The following AFF3 variants were observed in gnomAD, a reference collection of about 807,000 sequenced individuals.
AFF3 encodes the protein AF4/FMR2 family member 3.
A neutral mutation model predicts 129.7 loss-of-function variants in AFF3; 32 were observed. The observed-to-expected ratio is 0.25, with a 90% confidence interval of 0.19 to 0.33. The LOEUF (loss-of-function observed/expected upper bound fraction) is 0.33, where lower values mean the gene tolerates loss of function less well. Among genes scored for constraint, AFF3 ranks in the 10% least tolerant of loss-of-function variants. The pLI is 1.00. For synonymous variants in AFF3, 644 were observed against 635.4 expected (o/e 1.01, Z -0.20); for missense variants, 1,373 against 1,592.0 (o/e 0.86, Z 2.34).
chr2:99,815,921 T>G (rs1276682685), intron 8 of AFF3, among the ~76,000 whole-genome samples: 2 of 152,008 alleles, frequency 1.3e-5, no homozygotes, highest in Non-Finnish European at 2.9e-5. Flanking sequence ...CTGTCACTAA[T>G]TTTGGAAAAT....
At chr2:99,692,462 A>G (rs1346543656) in intron 11 of AFF3, among the ~76,000 whole-genome samples, 2 of 152,162 alleles carry the variant, frequency 1.3e-5, no homozygotes, top group Non-Finnish European at 2.9e-5. Flanking sequence ...TATGCTTCAG[A>G]CAGGTGAGTG....
chr2:99,864,453 C>T (rs1691228279), intron 7 of AFF3, among the ~76,000 whole-genome samples: 1 of 152,254 alleles, frequency 6.6e-6, no homozygotes, highest in Non-Finnish European at 1.5e-5. Flanking sequence ...CTATTTTATA[C>T]AATCATTTTT....
At chr2:99,882,776 T>C (rs1374518476) in intron 7 of AFF3, among the ~76,000 whole-genome samples, 1 of 152,236 alleles carries the variant, frequency 6.6e-6, no homozygotes, top group Non-Finnish European at 1.5e-5. Flanking sequence ...GTCATGACAG[T>C]TGCCCACATA....
chr2:99,697,461 A>G (rs966044036), intron 11 of AFF3, among the ~76,000 whole-genome samples: 4 of 152,224 alleles, frequency 2.6e-5, no homozygotes, highest in African/African-American at 9.6e-5. Context: ...CAGAGAAAAA[A>G]ATGCAAGTTT....
chr2:99,888,542 T>G (rs1257413622), intron 7 of AFF3, among the ~76,000 whole-genome samples: 1 of 152,226 alleles, frequency 6.6e-6, no homozygotes, highest in African/African-American at 2.4e-5. Flanking sequence ...ATCAATTTCT[T>G]TTTAAAAATT....
At chr2:100,139,995 A>G (rs1692796308) in intron 1 of AFF3, among the ~76,000 whole-genome samples, 1 of 152,246 alleles carries the variant, frequency 6.6e-6, no homozygotes, top group Non-Finnish European at 1.5e-5. Flanking sequence ...GAACAAGTTA[A>G]ATCATACCTA....
chr2:100,085,323 T>C (rs1179845998), intron 4 of AFF3, among the ~76,000 whole-genome samples: 11 of 148,760 alleles, frequency 7.4e-5, no homozygotes, highest in African/African-American at 2.7e-4. Flanking sequence ...AACATCTTCC[T>C]CATCACCTCG....
chr2:99,798,505 A>G (rs983827334), intron 8 of AFF3, among the ~76,000 whole-genome samples: 3 of 151,950 alleles, frequency 2.0e-5, no homozygotes, highest in African/African-American at 7.2e-5. Flanking sequence ...CCCAGTTAAA[A>G]GACAGAAATG....
intron 4 of AFF3, among the ~76,000 whole-genome samples, chr2:100,048,540 G>A (rs1686025812): frequency 1.3e-5 from 2 of 152,166 alleles, no homozygotes; most frequent in Admixed American, 6.5e-5. Context: ...ACCCATTTAT[G>A]AAGAGCAATT....
intron 8 of AFF3, among the ~76,000 whole-genome samples, chr2:99,779,396 C>T (rs1349276960): frequency 2.0e-5 from 3 of 152,116 alleles, no homozygotes; most frequent in East Asian, 3.8e-4. Flanking sequence ...ATTCTTAAAA[C>T]AACAGCAAGA....
At position 100,085,891 on chromosome 2, in the gene AFF3, A is replaced by C. The variant is rs569469749; in HGVS notation, c.53+18511T>G. On this transcript the variant is annotated intron_variant, in intron 4 of 24. Coordinates refer to ENST00000672756, the MANE Select transcript of AFF3 (RefSeq NM_001386135.1). ...TGTTATGCATAGAAGGAGCTCAATA[A>C]ACTTGTGACTCGTGGGTTTCTATGA... Among the ~76,000 whole-genome samples, 560 of 151,924 alleles carry C rather than the reference A, an allele frequency of 3.7e-3. 5 individuals carry two copies. Among genetic ancestry groups the C allele is most frequent in the African/African-American group, 0.013 (527 of 41,442 alleles).
rs1352998833 is a variant in AFF3 at position 100,024,180 on chromosome 2, C to T, written c.54-15248G>A. Among the ~76,000 whole-genome samples, 7 of 133,940 alleles carry T rather than the reference C, an allele frequency of 5.2e-5. No homozygotes were observed. In the East Asian group the frequency reaches 1.3e-3, roughly 25 times the overall value. 87.9% of individuals were successfully genotyped at this position (133,940 alleles called of 152,430 possible). A position where few individuals can be genotyped will look rare whatever the true frequency, so the allele number is the denominator to read the frequency against. On this transcript the variant is annotated intron_variant, in intron 4 of 24. Coordinates refer to ENST00000672756, the MANE Select transcript of AFF3 (RefSeq NM_001386135.1). ...CCGGGAGGCGGAGCTTGCAGTGAGC[C>T]GAGATCGCGCCACTGCACTCCAGCC...
intron 4 of AFF3, among the ~76,000 whole-genome samples, chr2:100,087,172 G>C (rs1689510359): frequency 6.6e-6 from 1 of 152,204 alleles, no homozygotes; most frequent in South Asian, 2.1e-4. Context: ...TGGACCACAA[G>C]CCCCATCACA....
chr2:99,967,172 C>T (rs1054486116), intron 7 of AFF3, among the ~76,000 whole-genome samples: 1 of 152,102 alleles, frequency 6.6e-6, no homozygotes, highest in Non-Finnish European at 1.5e-5. Flanking sequence ...TTCCCCATCT[C>T]TTACCCTTAT....
chr2:100,130,170 C>T (rs1328687370), intron 1 of AFF3, among the ~76,000 whole-genome samples: 1 of 152,202 alleles, frequency 6.6e-6, no homozygotes, highest in African/African-American at 2.4e-5. Flanking sequence ...AGTCTCCAAA[C>T]TCAGGTAGGA....
chr2:99,750,401 CTTTTTTTTTTTCTTTTCT>C (rs1681536278), intron 9 of AFF3, among the ~76,000 whole-genome samples: 1 of 55,464 alleles, frequency 1.8e-5, no homozygotes, highest in Non-Finnish European at 4.1e-5. Context: ...GTAAAAAGTA[CTTTTTTTTTTTCTTTTCT>C]TTTTTTTTTT....
intron 11 of AFF3, among the ~76,000 whole-genome samples, chr2:99,684,188 T>A (rs1197856566): frequency 6.6e-6 from 1 of 152,190 alleles, no homozygotes; most frequent in East Asian, 1.9e-4. Flanking sequence ...CTTCCCCAAA[T>A]GTCTTGAGGA....
intron 7 of AFF3, among the ~76,000 whole-genome samples, chr2:99,957,542 C>T (rs1488896431): frequency 6.6e-6 from 1 of 152,070 alleles, no homozygotes; most frequent in African/African-American, 2.4e-5. Context: ...ACAAAGACAC[C>T]GGCCCTTTGG....
chr2:100,001,452 G>C (rs551151789), intron 7 of AFF3, among the ~76,000 whole-genome samples: 1 of 152,132 alleles, frequency 6.6e-6, no homozygotes, highest in South Asian at 2.1e-4. Context: ...TTTTTGAGAC[G>C]GAGTCTCACT....
Sources: allele counts gnomAD v4.1 joint callset (sites outside exome capture counted in the v4.1 genomes callset), GRCh38; gene constraint gnomAD v4.1.1; transcripts MANE v1.5; gene names NCBI Gene and HGNC (gene_info 2026-07-23, HGNC 2026-07-21).